Variants in MIB1 observed in about 807,000 individuals in gnomAD.
The protein encoded by MIB1 is E3 ubiquitin-protein ligase MIB1.
A neutral mutation model predicts 124.5 loss-of-function variants in MIB1; 278 were observed. That is an observed-to-expected ratio of 2.23 (90% CI 2.02 to 2.47). The LOEUF is 2.47. Among genes scored for constraint, MIB1 ranks in the 30% most tolerant of loss-of-function variants. The pLI is 0.00. For synonymous variants in MIB1, 446 were observed against 429.4 expected, an observed-to-expected ratio of 1.04 and a Z score of -0.48; for missense variants, 957 against 1,254.4, an observed-to-expected ratio of 0.76 and a Z score of 3.58.
Position 21,781,541 on chromosome 18 carries a change from G to A in MIB1, c.908+1856G>A, listed in dbSNP as rs1055077094. 3.3e-5 allele frequency among the ~76,000 whole-genome samples: 5 copies of A among 151,410 alleles called. No homozygotes were observed. The South Asian group carries it at 8.3e-4, about 25-fold the overall frequency. On this transcript the variant is annotated intron_variant, in intron 6 of 20. Coordinates refer to ENST00000261537, the MANE Select transcript of MIB1 (RefSeq NM_020774.4). ...TGATTCTCTTGCCTCAGCCTCCCAA[G>A]TAGCTGGGATTATGGGCATGTGCCA...
intron 1 of MIB1, among the ~76,000 whole-genome samples, chr18:21,764,114 A>C (rs1028947225): frequency 1.3e-5 from 2 of 152,124 alleles, no homozygotes; most frequent in African/African-American, 4.8e-5. Context: ...CCCTACAGTC[A>C]AGCATTTATG....
chr18:21,826,580 G>T (rs1015244301), intron 12 of MIB1: 1 of 151,998 alleles, frequency 6.6e-6, no homozygotes, highest in African/African-American at 2.4e-5. Context: ...ACAATCCATG[G>T]ATACAAGTAT....
At chr18:21,788,353 C>A (rs1046809969) in intron 6 of MIB1, among the ~76,000 whole-genome samples, 3 of 152,108 alleles carry the variant, frequency 2.0e-5, no homozygotes, top group South Asian at 4.1e-4. Context: ...TGATTGTATT[C>A]AAATCTTACG....
intron 1 of MIB1, among the ~76,000 whole-genome samples, chr18:21,707,524 C>T (rs1263150817): frequency 3.9e-5 from 6 of 152,180 alleles, no homozygotes; most frequent in East Asian, 1.9e-4. Context: ...TTTGGGTCCA[C>T]GCTGTCTTTA....
chr18:21,771,711 G>T (rs937076973), intron 3 of MIB1, among the ~76,000 whole-genome samples: 4 of 152,034 alleles, frequency 2.6e-5, no homozygotes, highest in African/African-American at 9.7e-5. Flanking sequence ...AATTACATGG[G>T]TGTTCAGTTT....
At chr18:21,733,549 T>G (rs748006990) in intron 1 of MIB1, among the ~76,000 whole-genome samples, 4 of 152,138 alleles carry the variant, frequency 2.6e-5, no homozygotes, top group Non-Finnish European at 5.9e-5. Context: ...AATAAAGGTG[T>G]GAGCCACAGC....
At chr18:21,708,179 C>G (rs902970622) in intron 1 of MIB1, among the ~76,000 whole-genome samples, 1 of 152,154 alleles carries the variant, frequency 6.6e-6, no homozygotes, top group Non-Finnish European at 1.5e-5. Context: ...TTATGGCCAT[C>G]ATGGTGTGTA....
intron 11 of MIB1, among the ~76,000 whole-genome samples, chr18:21,816,750 A>G (rs2041833042): frequency 6.6e-6 from 1 of 152,210 alleles, no homozygotes; most frequent in Non-Finnish European, 1.5e-5. Context: ...TGAGGGCTTG[A>G]GAAGAACTGA....
intron 10 of MIB1, among the ~76,000 whole-genome samples, chr18:21,809,545 T>TTA (rs2041747152): frequency 6.6e-6 from 1 of 152,044 alleles, no homozygotes; most frequent in South Asian, 2.1e-4. Context: ...GATAAAGGGA[T>TTA]TATACACCAT....
chr18:21,785,265 T>A (rs1436059706), intron 6 of MIB1, among the ~76,000 whole-genome samples: 1 of 151,950 alleles, frequency 6.6e-6, no homozygotes, highest in East Asian at 1.9e-4. Flanking sequence ...GGCCAGGCAT[T>A]TGGGGCCGCT....
At chr18:21,734,556 G>A (rs1196424002) in intron 1 of MIB1, among the ~76,000 whole-genome samples, 1 of 135,750 alleles carries the variant, frequency 7.4e-6, no homozygotes, top group Non-Finnish European at 1.6e-5. Flanking sequence ...TCTCACAGAG[G>A]CTTGCTCTGT....
rs763042215 is a variant in MIB1, at chr18:21,765,898, A to AT, written c.359dup (p.Leu120PhefsTer14). 1.2e-6 allele frequency: 2 copies of AT among 1,614,044 alleles called. No individual in the cohort carries two copies. Among genetic ancestry groups the AT allele is most frequent in the Non-Finnish European group, 1.7e-6 (2 of 1,180,002 alleles). On this transcript the variant is annotated frameshift_variant, in exon 2 of 21. Transcript: ENST00000261537. LOFTEE classifies it high-confidence loss of function. ...GTGTGTTATCATGGAGATAAACATC[A>AT]TTTAAGACATCGCTTTTACCGAATT...
In MIB1 at chr18:21,860,416, T is replaced by C. The variant is rs77431266; in HGVS notation, c.2880+1770T>C. Among the ~76,000 whole-genome samples the C allele has an allele frequency of 3.5e-4, 54 of 152,180 alleles. 1 individual carries two copies. In the East Asian group the frequency reaches 9.8e-3, roughly 28 times the overall value. On this transcript the variant is annotated intron_variant, in intron 20 of 20. Transcript: ENST00000261537. ...GTGCCTGGCTGTTCTTTACGTCTTA[T>C]ATATATCAACAAATATGCTCTTTTA...
intron 6 of MIB1, among the ~76,000 whole-genome samples, chr18:21,785,531 G>C (rs879623666): frequency 6.6e-6 from 1 of 152,102 alleles, no homozygotes; most frequent in Non-Finnish European, 1.5e-5. Context: ...CCTCCACATT[G>C]TGACTTGTTG....
chr18:21,787,608 C>T (rs2041451190), intron 6 of MIB1, among the ~76,000 whole-genome samples: 1 of 152,042 alleles, frequency 6.6e-6, no homozygotes, highest in Non-Finnish European at 1.5e-5. Context: ...GTGCTTTGTG[C>T]CTGGTAGATA....
chr18:21,765,907 A>G lies in MIB1; in HGVS notation c.365A>G (p.His122Arg). 4 of 1,614,102 alleles carry G rather than the reference A, an allele frequency of 2.5e-6. No homozygotes were observed. In the South Asian group the frequency reaches 3.3e-5, roughly 13 times the overall value. Reference sequence around the variant, plus strand: ...CATGGAGATAAACATCATTTAAGACATCGCTTTTACCGAATTACTACACCG... The same window carrying G: ...CATGGAGATAAACATCATTTAAGACGTCGCTTTTACCGAATTACTACACCG... ...CYHGDKHHLR[H>R]RFYRITTPGS... Residue 122 changes from histidine (H) to arginine (R), a missense_variant, in exon 2 of 21, where the codon CAT becomes CGT. His to Arg is a conservative substitution (Grantham distance 29). Transcript: ENST00000261537.
chr18:21,750,234 A>G (rs983142203), intron 1 of MIB1, among the ~76,000 whole-genome samples: 4 of 152,010 alleles, frequency 2.6e-5, no homozygotes, highest in Admixed American at 6.6e-5. Context: ...GGTGCAAGCA[A>G]TTCTCCTACT....
chr18:21,751,899 T>C (rs148623430), intron 1 of MIB1, among the ~76,000 whole-genome samples: 71 of 152,360 alleles, frequency 4.7e-4, no homozygotes, highest in African/African-American at 1.6e-3. Context: ...AGTCCTATGC[T>C]TGTCCATGCT....
At chr18:21,830,034 T>A (rs540858281) in intron 12 of MIB1, among the ~76,000 whole-genome samples, 1 of 152,074 alleles carries the variant, frequency 6.6e-6, no homozygotes, top group African/African-American at 2.4e-5. Context: ...TTTTCAGATT[T>A]GTCAAAGGAG....
Sources: allele counts gnomAD v4.1 joint callset (sites outside exome capture counted in the v4.1 genomes callset), GRCh38; gene constraint gnomAD v4.1.1; transcripts MANE v1.5; gene names NCBI Gene and HGNC (gene_info 2026-07-23, HGNC 2026-07-21).